The following RBFOX3 variants were observed in gnomAD, a reference collection of about 807,000 sequenced individuals.
RBFOX3 encodes the protein RNA binding protein fox-1 homolog 3.
A neutral mutation model predicts 48.7 loss-of-function variants in RBFOX3; 17 were observed. That is an observed-to-expected ratio of 0.35 (90% CI 0.24 to 0.52). The LOEUF is 0.52. RBFOX3 is among the 20% of genes least tolerant of loss of function. The pLI, the probability that RBFOX3 is intolerant of heterozygous loss-of-function variation, is 0.94. For synonymous variants in RBFOX3, 212 were observed against 209.5 expected, an observed-to-expected ratio of 1.01 and a Z score of -0.10; for missense variants, 382 against 497.5, an observed-to-expected ratio of 0.77 and a Z score of 2.21.
chr17:79,179,279 G>A (rs1317163544), intron 4 of RBFOX3, among the ~76,000 whole-genome samples: 2 of 152,222 alleles, frequency 1.3e-5, no homozygotes, highest in African/African-American at 4.8e-5. Context: ...GAGCCTTTGG[G>A]TTCCACAACC....
At chr17:79,305,034 C>T (rs2377398) in intron 3 of RBFOX3, among the ~76,000 whole-genome samples, 4,074 of 152,298 alleles carry the variant, frequency 0.027, 124 homozygotes, top group South Asian at 0.15. Context: ...GGGTGGACTC[C>T]GCTGTGGCCC....
At chr17:79,588,258 G>A (rs1160584678) in intron 1 of RBFOX3, among the ~76,000 whole-genome samples, 1 of 152,186 alleles carries the variant, frequency 6.6e-6, no homozygotes, top group Non-Finnish European at 1.5e-5. Context: ...AGCCTTACGT[G>A]AGCCAGGCCC....
the RBFOX3 span, among the ~76,000 whole-genome samples, chr17:79,651,037 G>T: frequency 1.3e-5 from 2 of 152,236 alleles, no homozygotes; most frequent in African/African-American, 4.8e-5. Context: ...GGGGATTCCA[G>T]GTGTGTGTTC....
intron 2 of RBFOX3, among the ~76,000 whole-genome samples, chr17:79,349,916 C>T (rs1214296678): frequency 6.6e-6 from 1 of 152,132 alleles, no homozygotes; most frequent in Non-Finnish European, 1.5e-5. Context: ...TTCCCTGAGC[C>T]TAGGCCACGT....
intron 3 of RBFOX3, among the ~76,000 whole-genome samples, chr17:79,302,596 A>T (rs1485633842): frequency 6.6e-6 from 1 of 152,118 alleles, no homozygotes; most frequent in African/African-American, 2.4e-5. Context: ...CAGGAGAATC[A>T]GTTGAACCTG....
At chr17:79,646,888 A>C in the RBFOX3 span, among the ~76,000 whole-genome samples, 1 of 152,006 alleles carries the variant, frequency 6.6e-6, no homozygotes, top group Non-Finnish European at 1.5e-5. Flanking sequence ...AGATACCCAC[A>C]CAGTTCACTT....
Position 79,095,545 on chromosome 17 carries a change from C to T in RBFOX3, c.966G>A (p.Gln322=). ...TGTAGGCTGCCGCCGCTGCAGCGGG[C>T]TGAGCGTATCTGTAGGCTGCGTAGC... ...YGGYAAYRYA[Q]PAAAAAAYSD... Residue 322 remains glutamine (Q), a synonymous_variant, in exon 13 of 15, where the codon CAG becomes CAA. Coordinates refer to ENST00000693108, the MANE Select transcript of RBFOX3 (RefSeq NM_001350451.2). The T allele has an allele frequency of 6.4e-7, 1 of 1,551,454 alleles. No homozygotes were observed. Among genetic ancestry groups the T allele is most frequent in the Non-Finnish European group, 8.7e-7 (1 of 1,146,828 alleles).
intron 1 of RBFOX3, among the ~76,000 whole-genome samples, chr17:79,575,408 CAGAGCTACGATGGA>C (rs1413974500): frequency 1.4e-3 from 206 of 152,270 alleles, no homozygotes; most frequent in African/African-American, 4.8e-3. Context: ...CGGGAGGCCA[CAGAGCTACGATGGA>C]AGTGGGTCGA....
intron 1 of RBFOX3, among the ~76,000 whole-genome samples, chr17:79,589,200 T>C (rs2093347340): frequency 6.6e-6 from 1 of 152,230 alleles, no homozygotes; most frequent in Non-Finnish European, 1.5e-5. Context: ...AACAACAGCA[T>C]GAATCCTCTT....
chr17:79,494,580 G>A (rs1474921421), intron 1 of RBFOX3, among the ~76,000 whole-genome samples: 1 of 152,234 alleles, frequency 6.6e-6, no homozygotes, highest in Admixed American at 6.5e-5. Context: ...AGGGAGGGTT[G>A]GAGTGGGCTG....
At chr17:79,152,440 C>T (rs2044749914) in intron 4 of RBFOX3, among the ~76,000 whole-genome samples, 1 of 123,228 alleles carries the variant, frequency 8.1e-6, no homozygotes, top group Non-Finnish European at 1.7e-5. Context: ...GAAGCAACCT[C>T]CTTAGGGGGG....
At chr17:79,201,818 G>A (rs1156608463) in intron 4 of RBFOX3, among the ~76,000 whole-genome samples, 3 of 152,252 alleles carry the variant, frequency 2.0e-5, no homozygotes, top group South Asian at 2.1e-4. Context: ...CCCTGACTCC[G>A]CTGGAGGCTG....
intron 1 of RBFOX3, among the ~76,000 whole-genome samples, chr17:79,580,280 C>A (rs1340545208): frequency 7.6e-6 from 1 of 131,882 alleles, no homozygotes; most frequent in East Asian, 2.7e-4. Context: ...CCTCCCCCCC[C>A]ATCCTCCTCC....
chr17:79,388,311 G>A lies in RBFOX3; in HGVS notation c.-174-80487C>T, dbSNP rs117423547. Among the ~76,000 whole-genome samples, 1,504 of 152,206 alleles carry A rather than the reference G, an allele frequency of 9.9e-3. 19 individuals carry two copies. The highest frequency in any genetic ancestry group is 0.069 in the East Asian group (355 of 5,152). ...GAGAACAAGGAGTTGGGCCCTTCCA[G>A]GGCCTCAAAAGCACCCAGGCATGAC... is the stretch of plus-strand genomic sequence containing the variant. On this transcript the variant is annotated intron_variant, in intron 2 of 14. Transcript: ENST00000693108.
the RBFOX3 span, among the ~76,000 whole-genome samples, chr17:79,646,516 G>A: frequency 6.6e-6 from 1 of 152,212 alleles, no homozygotes; most frequent in Non-Finnish European, 1.5e-5. Context: ...GCAGGCAAGA[G>A]AGTGTGTGCA....
chr17:79,276,737 A>G (rs1278764843), intron 3 of RBFOX3, among the ~76,000 whole-genome samples: 1 of 152,112 alleles, frequency 6.6e-6, no homozygotes, highest in East Asian at 1.9e-4. Context: ...ACCAAAAATC[A>G]AGAAACTGGA....
chr17:79,197,052 G>A, intron 4 of RBFOX3, among the ~76,000 whole-genome samples: 1 of 152,158 alleles, frequency 6.6e-6, no homozygotes, highest in East Asian at 1.9e-4. Context: ...CTGCCCGGGA[G>A]GAATGGTGGC....
chr17:79,316,988 G>A (rs2077621185), intron 2 of RBFOX3, among the ~76,000 whole-genome samples: 1 of 152,164 alleles, frequency 6.6e-6, no homozygotes, highest in Non-Finnish European at 1.5e-5. Flanking sequence ...AAATGTGCAT[G>A]TGCACGCACA....
At chr17:79,268,357 C>T (rs77914965) in intron 3 of RBFOX3, among the ~76,000 whole-genome samples, 3 of 152,280 alleles carry the variant, frequency 2.0e-5, no homozygotes, top group Middle Eastern at 3.4e-3. Flanking sequence ...TGGGCATGAC[C>T]GACATTGCCT....
Sources: allele counts gnomAD v4.1 joint callset (sites outside exome capture counted in the v4.1 genomes callset), GRCh38; gene constraint gnomAD v4.1.1; transcripts MANE v1.5; gene names NCBI Gene and HGNC (gene_info 2026-07-23, HGNC 2026-07-21).